MTSS1: variants seen among roughly 807,000 people sequenced by gnomAD.
The protein encoded by MTSS1 is MTSS I-BAR domain containing 1, also known as protein MTSS 1.
MTSS1 carries 18 observed loss-of-function variants against 79.0 expected under a neutral mutation model. That is an observed-to-expected ratio of 0.23 (90% CI 0.16 to 0.34). MTSS1 has a LOEUF of 0.34. MTSS1 is among the 10% of genes least tolerant of loss of function. The pLI is 1.00. For synonymous variants in MTSS1, 341 were observed against 368.6 expected, an observed-to-expected ratio of 0.93 and a Z score of 0.86; for missense variants, 815 against 986.2, an observed-to-expected ratio of 0.83 and a Z score of 2.33.
intron 3 of MTSS1, among the ~76,000 whole-genome samples, chr8:124,649,493 G>A (rs1359427149): frequency 6.6e-6 from 1 of 152,084 alleles, no homozygotes; most frequent in Non-Finnish European, 1.5e-5. Context: ...TGGCACCTCT[G>A]GCTATACAAT....
At chr8:124,636,967 G>T (rs1461921333) in intron 3 of MTSS1, among the ~76,000 whole-genome samples, 1 of 152,162 alleles carries the variant, frequency 6.6e-6, no homozygotes, top group Non-Finnish European at 1.5e-5. Flanking sequence ...AACTAAGAGG[G>T]GATTTTCCTC....
At position 124,553,399 on chromosome 8, in the gene MTSS1, G is replaced by A. The variant is rs1367773558; in HGVS notation, c.1861C>T (p.Pro621Ser). Residue 621 changes from proline to serine, a missense_variant, in exon 14 of 14, where the codon CCA (proline) becomes TCA (serine). Coordinates refer to ENST00000518547, the MANE Select transcript of MTSS1 (RefSeq NM_014751.6). This position sits in a 1 kb window ranked among gnomAD's most constrained non-coding sequence, Gnocchi z 6.0. The part of the protein sequence containing the change: ...IKTPVIPVKT[P>S]TVPDLPGVLP... ...ACCCCTGGGAGGTCTGGGACGGTTG[G>A]GGTCTTGACAGGGATCACGGGTGTC... The A allele has an allele frequency of 1.2e-6, 2 of 1,608,280 alleles. No individual in the cohort carries two copies. The highest frequency in any genetic ancestry group is 1.7e-6 in the Non-Finnish European group (2 of 1,175,708).
At chr8:124,640,052 T>C (rs1817737484) in intron 3 of MTSS1, among the ~76,000 whole-genome samples, 1 of 152,232 alleles carries the variant, frequency 6.6e-6, no homozygotes, top group African/African-American at 2.4e-5. Context: ...CCCTGGATCC[T>C]CCCCAGCTGC....
intron 3 of MTSS1, among the ~76,000 whole-genome samples, chr8:124,592,397 T>C (rs558581001): frequency 2.0e-4 from 30 of 152,294 alleles, no homozygotes; most frequent in African/African-American, 7.2e-4. Context: ...TGGGGAAAAG[T>C]GTCAAATAAA....
intron 3 of MTSS1, chr8:124,698,177 G>A (rs1829151077): frequency 6.6e-6 from 1 of 152,184 alleles, no homozygotes; most frequent in Admixed American, 6.5e-5. Flanking sequence ...TGAATGAGAA[G>A]GGTTCTTGCT....
chr8:124,628,327 C>T (rs1382863628), intron 3 of MTSS1, among the ~76,000 whole-genome samples: 3 of 152,188 alleles, frequency 2.0e-5, no homozygotes, highest in Non-Finnish European at 4.4e-5. Context: ...TCATCCGACT[C>T]CCAGATCATA....
intron 3 of MTSS1, among the ~76,000 whole-genome samples, chr8:124,652,919 C>A (rs1324810837): frequency 2.6e-5 from 4 of 152,192 alleles, no homozygotes; most frequent in African/African-American, 9.7e-5. Flanking sequence ...TATCATCAAC[C>A]CGTGAAAGGT....
At chr8:124,620,441 T>A (rs1181970627) in intron 3 of MTSS1, among the ~76,000 whole-genome samples, 1 of 152,204 alleles carries the variant, frequency 6.6e-6, no homozygotes, top group Non-Finnish European at 1.5e-5. Flanking sequence ...GTGGAGGGCA[T>A]CGGACTGGCT....
At chr8:124,586,608 G>A (rs560575442) in intron 5 of MTSS1, among the ~76,000 whole-genome samples, 4 of 152,260 alleles carry the variant, frequency 2.6e-5, no homozygotes, top group Non-Finnish European at 4.4e-5. Flanking sequence ...AGTGGGTTGC[G>A]TGTGGCTGCT....
chr8:124,639,031 T>C (rs1268063673), intron 3 of MTSS1, among the ~76,000 whole-genome samples: 1 of 152,164 alleles, frequency 6.6e-6, no homozygotes, highest in Non-Finnish European at 1.5e-5. Context: ...AGCAAGGGGC[T>C]AAATTAAAAA....
At position 124,582,563 on chromosome 8, in the gene MTSS1, A is replaced by G. The variant is rs1830222412; in HGVS notation, c.460+2524T>C. Among the ~76,000 whole-genome samples the G allele has an allele frequency of 6.6e-6, 1 of 152,190 alleles. No individual in the cohort carries two copies. The highest frequency in any genetic ancestry group is 2.4e-5 in the African/African-American group (1 of 41,436). ...AGGAAGCTGCTTGAGAATCTCCTGG[A>G]AACATATTAAAAAGGAAGTGATTAT... On this transcript the variant is annotated intron_variant, in intron 6 of 13. Transcript: ENST00000518547. This position sits in a 1 kb window ranked among gnomAD's most constrained non-coding sequence, Gnocchi z 4.8.
chr8:124,585,823 C>CAA (rs201343804), intron 5 of MTSS1, among the ~76,000 whole-genome samples: 2,834 of 151,712 alleles, frequency 0.019, 74 homozygotes, highest in African/African-American at 0.065. Context: ...TTTGCAAAAA[C>CAA]AAAAAAACAA....
intron 1 of MTSS1, among the ~76,000 whole-genome samples, chr8:124,724,931 TC>T (rs1225498922): frequency 6.6e-6 from 1 of 152,108 alleles, no homozygotes; most frequent in African/African-American, 2.4e-5. Context: ...ATATCTTGTC[TC>T]CCCTTTCCTC....
At chr8:124,662,786 C>T (rs895103609) in intron 3 of MTSS1, among the ~76,000 whole-genome samples, 1 of 152,084 alleles carries the variant, frequency 6.6e-6, no homozygotes, top group South Asian at 2.1e-4. Flanking sequence ...TGCCCTCCCA[C>T]GGGTTAAATT....
chr8:124,568,261 C>G (rs1826959024), intron 7 of MTSS1, 118 bp downstream of exon 7: 1 of 1,228,152 alleles, frequency 8.1e-7, no homozygotes, highest in Non-Finnish European at 1.1e-6. Flanking sequence ...ACAGGAGATA[C>G]CACCATCATG....
rs570623038 is a variant in MTSS1, at chr8:124,596,731, GA to G, written c.209-5497del. Among the ~76,000 whole-genome samples the G allele has an allele frequency of 3.6e-3, 548 of 152,278 alleles. 4 individuals are homozygous for G. The highest frequency in any genetic ancestry group is 6.5e-3 in the Non-Finnish European group (441 of 68,022). On this transcript the variant is annotated intron_variant, in intron 3 of 13. Coordinates refer to ENST00000518547, the MANE Select transcript of MTSS1 (RefSeq NM_014751.6). Reference sequence around the variant, plus strand: ...CCGTGCTCCCTCTAAAACCTACAGGGAGAGTCCTTCCTTGCCTTCTCCTTGC... The same window carrying G: ...CCGTGCTCCCTCTAAAACCTACAGGGGAGTCCTTCCTTGCCTTCTCCTTGC...
chr8:124,568,203 G>T, intron 7 of MTSS1, 176 bp downstream of exon 7: 1 of 739,876 alleles, frequency 1.4e-6, no homozygotes, highest in Non-Finnish European at 2.1e-6. Context: ...AACAGTGAAT[G>T]AGGAGTGAGC....
At chr8:124,565,854 A>G in intron 8 of MTSS1, 95 bp from the exon 9 acceptor site, 2 of 1,039,224 alleles carry the variant, frequency 1.9e-6, no homozygotes, top group Non-Finnish European at 2.8e-6. Context: ...AAACGCTGCC[A>G]TCGTGGGGGT....
chr8:124,609,428 C>T (rs555926152), intron 3 of MTSS1, among the ~76,000 whole-genome samples: 21 of 152,048 alleles, frequency 1.4e-4, no homozygotes, highest in African/African-American at 5.1e-4. Flanking sequence ...AAGAGTCCCT[C>T]GGTTCCCACC....
Sources: allele counts gnomAD v4.1 joint callset (sites outside exome capture counted in the v4.1 genomes callset), GRCh38; gene constraint gnomAD v4.1.1; non-coding constraint Gnocchi (gnomAD v3.1); transcripts MANE v1.5; gene names NCBI Gene and HGNC (gene_info 2026-07-23, HGNC 2026-07-21).